MYT1L: variants seen among roughly 807,000 people sequenced by gnomAD.
The protein encoded by MYT1L is myelin transcription factor 1 like.
MYT1L carries 12 observed loss-of-function variants against 126.7 expected under a neutral mutation model. That is an observed-to-expected ratio of 0.09 (90% confidence interval 0.06 to 0.15). The LOEUF (loss-of-function observed/expected upper bound fraction) is 0.15, where lower values mean the gene tolerates loss of function less well. Among genes scored for constraint, MYT1L ranks in the 10% least tolerant of loss-of-function variants. The pLI, the probability that MYT1L is intolerant of heterozygous loss-of-function variation, is 1.00. For synonymous variants in MYT1L, 541 were observed against 604.2 expected, an observed-to-expected ratio of 0.90 and a Z score of 1.53; for missense variants, 979 against 1,585.2, an observed-to-expected ratio of 0.62 and a Z score of 6.49.
chr2:2,285,317 G>A (rs1039594538), intron 1 of MYT1L, among the ~76,000 whole-genome samples: 1 of 152,120 alleles, frequency 6.6e-6, no homozygotes, highest in African/African-American at 2.4e-5. Flanking sequence ...CAGGACAAAT[G>A]CCACAATGAA....
chr2:2,009,898 GTT>G (rs147372422), intron 4 of MYT1L, among the ~76,000 whole-genome samples: 196 of 114,254 alleles, frequency 1.7e-3, no homozygotes, highest in African/African-American at 4.0e-3. Context: ...ACTGTTAAGA[GTT>G]TTTTTTTTTT....
intron 1 of MYT1L, among the ~76,000 whole-genome samples, chr2:2,298,018 A>C (rs2095722494): frequency 6.6e-6 from 1 of 152,240 alleles, no homozygotes; most frequent in Non-Finnish European, 1.5e-5. Context: ...AACTAGGAGA[A>C]GCAAACATCC....
chr2:2,259,930 T>C (rs1388809789), intron 2 of MYT1L, among the ~76,000 whole-genome samples: 1 of 152,234 alleles, frequency 6.6e-6, no homozygotes. Context: ...CTAATGTATG[T>C]GAAAAATGTT....
At chr2:2,050,348 T>C (rs556672773) in intron 4 of MYT1L, among the ~76,000 whole-genome samples, 1 of 152,356 alleles carries the variant, frequency 6.6e-6, no homozygotes, top group African/African-American at 2.4e-5. Flanking sequence ...GATATGCTTT[T>C]CTTTAAAATA....
intron 10 of MYT1L, among the ~76,000 whole-genome samples, chr2:1,918,878 G>A (rs2053199715): frequency 2.0e-5 from 3 of 152,096 alleles, no homozygotes; most frequent in African/African-American, 4.8e-5. Context: ...AAAATGCCTA[G>A]CACTTTATTG....
At chr2:2,126,115 A>C (rs972503710) in intron 3 of MYT1L, among the ~76,000 whole-genome samples, 3 of 152,164 alleles carry the variant, frequency 2.0e-5, no homozygotes, top group Non-Finnish European at 4.4e-5. Context: ...TCCCTTTCCC[A>C]GATCTCCAAC....
intron 14 of MYT1L, among the ~76,000 whole-genome samples, chr2:1,897,029 A>C (rs1213176950): frequency 3.3e-5 from 5 of 152,214 alleles, no homozygotes; most frequent in Admixed American, 3.3e-4. Context: ...TTAGTCGGTG[A>C]CTGAACTGTC....
At position 2,293,763 on chromosome 2, in the gene MYT1L, C is replaced by G. The variant is rs571651788; in HGVS notation, c.-520-9260G>C. Among the ~76,000 whole-genome samples, 196 of 152,244 alleles carry G rather than the reference C, an allele frequency of 1.3e-3. 2 individuals carry two copies. The South Asian group carries it at 0.039, about 31-fold the overall frequency. On this transcript the variant is annotated intron_variant, in intron 1 of 24. Transcript: ENST00000647738. ...CCAACCCCCAGGTGCAAGACCGGCC[C>G]CCTCCCTCCTCCCGGCTCCTCTGGA...
At position 1,979,080 on chromosome 2, in the gene MYT1L, T is replaced by C; in HGVS notation, c.152+85A>G. On this transcript the variant is annotated intron_variant, in intron 8 of 24. Transcript: ENST00000647738. The surrounding 1 kb of genome is among the most constrained non-coding windows in gnomAD (Gnocchi z 4.0). ...ATGTGTATTGCTTTCCAAGAACACC[T>C]GCTCACACAGTTCATCATCAGGACT... 9.2e-7 allele frequency: 1 copy of C among 1,084,042 alleles called. No homozygotes were observed. The highest frequency in any genetic ancestry group is 1.4e-5 in the South Asian group (1 of 73,012). The allele number at this position is 1,084,042 out of a possible 1,614,324, so 67.2% of individuals were successfully genotyped here. A position where few individuals can be genotyped will look rare whatever the true frequency, so the allele number is the denominator to read the frequency against.
intron 1 of MYT1L, among the ~76,000 whole-genome samples, chr2:2,312,508 G>A (rs1397440299): frequency 2.0e-5 from 3 of 152,094 alleles, no homozygotes; most frequent in African/African-American, 7.2e-5. Context: ...AGCTACTCAG[G>A]AGGCTGAGGT....
chr2:2,061,220 T>A (rs2070435468), intron 3 of MYT1L, among the ~76,000 whole-genome samples: 1 of 152,062 alleles, frequency 6.6e-6, no homozygotes, highest in Non-Finnish European at 1.5e-5. Flanking sequence ...GTGGTTTAAC[T>A]CGTCCATGGC....
At position 1,910,278 on chromosome 2, in the gene MYT1L, G is replaced by A. The variant is rs750220720; in HGVS notation, c.1779C>T (p.Asp593=). ...CCGAGGCCTGGCTGGACTTGGACAC[G>A]TCGCAGCTCTGGTGCTTTTCCTGTG... ...AKAQEKHQSC[D]VSKSSQASDR... The change falls in exon 13 of 25, where the codon GAC becomes GAT. Residue 593 remains aspartate (D), a synonymous_variant. Coordinates refer to ENST00000647738, the MANE Select transcript of MYT1L (RefSeq NM_001303052.2). The surrounding 1 kb of genome is among the most constrained non-coding windows in gnomAD (Gnocchi z 4.8). 6 of 1,613,132 alleles carry A rather than the reference G, an allele frequency of 3.7e-6. No individual in the cohort carries two copies. The highest frequency in any genetic ancestry group is 2.2e-5 in the East Asian group (1 of 44,880).
At chr2:1,969,664 G>T (rs1249057799) in intron 8 of MYT1L, among the ~76,000 whole-genome samples, 1 of 152,226 alleles carries the variant, frequency 6.6e-6, no homozygotes, top group East Asian at 1.9e-4. Flanking sequence ...CTCAGGAATG[G>T]CTGTGGGACC....
At chr2:1,892,998 A>T (rs2049112170) in intron 14 of MYT1L, among the ~76,000 whole-genome samples, 2 of 152,164 alleles carry the variant, frequency 1.3e-5, no homozygotes, top group Admixed American at 1.3e-4. Context: ...GAAACACCTG[A>T]GTGGCCACTT....
At chr2:2,108,141 C>T (rs1391887316) in intron 3 of MYT1L, among the ~76,000 whole-genome samples, 2 of 152,122 alleles carry the variant, frequency 1.3e-5, no homozygotes, top group Admixed American at 6.5e-5. Flanking sequence ...GGAGGGTGTC[C>T]GTGCTGTGAA....
intron 3 of MYT1L, among the ~76,000 whole-genome samples, chr2:2,090,033 C>CCA (rs1287403637): frequency 2.6e-5 from 4 of 152,246 alleles, no homozygotes; most frequent in African/African-American, 7.2e-5. Context: ...AAGCTTGTCC[C>CCA]CATCCCATCC....
At chr2:2,205,544 T>C (rs1379215902) in intron 2 of MYT1L, among the ~76,000 whole-genome samples, 2 of 152,230 alleles carry the variant, frequency 1.3e-5, no homozygotes, top group African/African-American at 4.8e-5. Context: ...AACTCAATCA[T>C]ACTCATTCCT....
intron 18 of MYT1L, among the ~76,000 whole-genome samples, chr2:1,856,702 T>C (rs543726216): frequency 1.3e-5 from 2 of 152,258 alleles, no homozygotes; most frequent in South Asian, 4.1e-4. Context: ...CAAAAGGAAA[T>C]AGTATGGAAA....
At position 2,207,730 on chromosome 2, in the gene MYT1L, A is replaced by C. The variant is rs563312233; in HGVS notation, c.-420-34742T>G. Among the ~76,000 whole-genome samples the C allele has an allele frequency of 7.2e-5, 11 of 152,334 alleles. No homozygotes were observed. The East Asian group carries it at 1.5e-3, about 21-fold the overall frequency. On this transcript the variant is annotated intron_variant, in intron 2 of 24. Coordinates refer to ENST00000647738, the MANE Select transcript of MYT1L (RefSeq NM_001303052.2). ...ATGCAGGCTGTGGGCTCTCTCTTCC[A>C]GAAAATACACAAATGCAGAAACTCA...
Sources: gnomAD v4.1 joint callset for allele counts (sites outside exome capture counted in the v4.1 genomes callset) on GRCh38, gnomAD v4.1.1 for gene constraint, Gnocchi (gnomAD v3.1) non-coding constraint, MANE v1.5 for transcripts, NCBI Gene and HGNC (gene_info 2026-07-23, HGNC 2026-07-21) for gene names.